BAIAP2: variants seen among roughly 807,000 people sequenced by gnomAD.
The protein encoded by BAIAP2 is BAR/IMD domain-containing adapter protein 2.
In BAIAP2, 18 loss-of-function variants were observed where a neutral mutation model predicts 63.0. That is an observed-to-expected ratio of 0.29 (90% CI 0.20 to 0.42). The LOEUF (loss-of-function observed/expected upper bound fraction) is 0.42. BAIAP2 is among the 10% of genes least tolerant of loss of function. The pLI is 1.00. For missense variants in BAIAP2, 610 were observed against 734.3 expected, an observed-to-expected ratio of 0.83 and a Z score of 1.96; for synonymous variants, 386 against 307.6, an observed-to-expected ratio of 1.25 and a Z score of -2.67.
At chr17:81,086,752 G>A (rs1265136409) in intron 6 of BAIAP2, among the ~76,000 whole-genome samples, 172 bp downstream of exon 6, 2 of 152,238 alleles carry the variant, frequency 1.3e-5, no homozygotes, top group East Asian at 1.9e-4. Flanking sequence ...CCCCCAGGCC[G>A]GTGGGATGGT....
At chr17:81,113,578 A>T (rs542242994) in intron 13 of BAIAP2, among the ~76,000 whole-genome samples, 2 of 152,286 alleles carry the variant, frequency 1.3e-5, no homozygotes, top group East Asian at 3.9e-4. Context: ...CTGCTGTCCC[A>T]GCCAGCCTTG....
intron 7 of BAIAP2, 149 bp downstream of exon 7, chr17:81,100,229 G>C: frequency 6.6e-6 from 8 of 1,214,404 alleles, no homozygotes; most frequent in Non-Finnish European, 8.8e-6. Flanking sequence ...TGGGGGTGAA[G>C]TTCTGGGAGA....
At chr17:81,091,241 C>T (rs983831083) in intron 6 of BAIAP2, among the ~76,000 whole-genome samples, 3 of 145,584 alleles carry the variant, frequency 2.1e-5, no homozygotes, top group Non-Finnish European at 3.0e-5. Context: ...TAACTCCTGG[C>T]TTGCCTCGCG....
intron 6 of BAIAP2, among the ~76,000 whole-genome samples, chr17:81,097,180 C>T (rs1309282081): frequency 6.6e-6 from 1 of 152,194 alleles, no homozygotes; most frequent in African/African-American, 2.4e-5. Context: ...GGGTCAAGGC[C>T]TACTGGGGAT....
chr17:81,109,039 G>A (rs1420263021), intron 13 of BAIAP2: 11 of 1,530,316 alleles, frequency 7.2e-6, no homozygotes, highest in African/African-American at 2.8e-5. Context: ...AAGAGCTTCC[G>A]CGCCTTCCCC....
rs1351642072 is a variant in BAIAP2, at chr17:81,116,563, G to A, written c.*724G>A. 2.2e-5 allele frequency: 12 copies of A among 537,172 alleles called. No individual in the cohort carries two copies. The highest frequency in any genetic ancestry group is 9.5e-5 in the African/African-American group (5 of 52,558). The allele number at this position is 537,172 out of a possible 1,614,324, so 33.3% of individuals were successfully genotyped here. On this transcript the variant is annotated 3_prime_UTR_variant, in exon 14 of 14. Transcript: ENST00000428708. ...AAAGGCCAGCTGTCAGGTGCTATGC[G>A]GGGTCACCAGCAGAGTGCCCGCTGG...
chr17:81,114,234 A>G (rs754663510), intron 13 of BAIAP2, among the ~76,000 whole-genome samples: 5 of 148,036 alleles, frequency 3.4e-5, no homozygotes, highest in Non-Finnish European at 7.4e-5. Flanking sequence ...TTGGCCTCTC[A>G]GAGTGCTGGG....
chr17:81,073,310 C>A (rs1174188059), intron 3 of BAIAP2, among the ~76,000 whole-genome samples: 4 of 152,172 alleles, frequency 2.6e-5, no homozygotes, highest in Non-Finnish European at 5.9e-5. Flanking sequence ...CTTTCAGATA[C>A]TCGGACCTCT....
chr17:81,091,826 C>T (rs2056823315), intron 6 of BAIAP2, among the ~76,000 whole-genome samples: 1 of 152,234 alleles, frequency 6.6e-6, no homozygotes, highest in South Asian at 2.1e-4. Flanking sequence ...AGAGGCCTTT[C>T]CCTTGGAGAC....
At chr17:81,092,063 G>A (rs1035137904) in intron 6 of BAIAP2, among the ~76,000 whole-genome samples, 2 of 152,242 alleles carry the variant, frequency 1.3e-5, no homozygotes, top group Non-Finnish European at 2.9e-5. Flanking sequence ...CTTTGGGGGT[G>A]TAGCATGCTG....
Position 81,109,008 on chromosome 17 carries a change from C to T in BAIAP2, c.1535+499C>T, listed in dbSNP as rs749890590. 1.5e-5 allele frequency: 23 copies of T among 1,545,422 alleles called. No homozygotes were observed. In the East Asian group the frequency reaches 5.2e-4, roughly 35 times the overall value. ...GGTGTCCACAGTGTGAGGACGCTGA[C>T]CCCGGGCAGCCGCTGCTCTGAAGAG... is the stretch of plus-strand genomic sequence containing the variant. On this transcript the variant is annotated intron_variant, in intron 13 of 13. Coordinates refer to ENST00000428708, the MANE Select transcript of BAIAP2 (RefSeq NM_001144888.2).
chr17:81,073,288 C>A (rs1334773187), intron 3 of BAIAP2, among the ~76,000 whole-genome samples: 4 of 152,098 alleles, frequency 2.6e-5, no homozygotes, highest in Admixed American at 1.3e-4. Context: ...GAACTTTTAC[C>A]ACCTGGGGTG....
chr17:81,071,766 C>G lies in BAIAP2; in HGVS notation c.218-13066C>G, dbSNP rs59330431. 6.7e-3 allele frequency among the ~76,000 whole-genome samples: 1,017 copies of G among 152,360 alleles called. 10 individuals are homozygous for G. The highest frequency in any genetic ancestry group is 0.023 in the African/African-American group (969 of 41,590). Reference sequence around the variant, plus strand: ...TTCTCCGCACCATCCCGCACCGCCACGAGCTGCTGTGGCTCACATTCTGCC... The same window carrying G: ...TTCTCCGCACCATCCCGCACCGCCAGGAGCTGCTGTGGCTCACATTCTGCC... On this transcript the variant is annotated intron_variant, in intron 3 of 13. Transcript: ENST00000428708.
chr17:81,041,723 C>T lies in BAIAP2; in HGVS notation c.54+6415C>T, dbSNP rs374217915. On this transcript the variant is annotated intron_variant, in intron 1 of 13. Transcript: ENST00000428708. ...CCAAGTAGCTGGGATTACAGGCATG[C>T]GCCACCACGCCTGGCTAATTTTATA... Among the ~76,000 whole-genome samples the T allele has an allele frequency of 1.3e-3, 192 of 152,028 alleles. 1 individual carries two copies. The highest frequency in any genetic ancestry group is 4.4e-3 in the African/African-American group (182 of 41,468).
At chr17:81,090,429 C>T (rs965990957) in intron 6 of BAIAP2, among the ~76,000 whole-genome samples, 15 of 152,226 alleles carry the variant, frequency 9.9e-5, no homozygotes, top group Non-Finnish European at 5.9e-5. Flanking sequence ...CTTAACCACA[C>T]AGGTGTTTTA....
In BAIAP2 at chr17:81,115,791, G is replaced by T; in HGVS notation, c.1557G>T (p.Gln519His). The T allele has an allele frequency of 1.2e-6, 2 of 1,613,464 alleles. No individual in the cohort carries two copies. Among genetic ancestry groups the T allele is most frequent in the Non-Finnish European group, 1.7e-6 (2 of 1,180,018 alleles). The change falls in exon 14 of 14, where the codon CAG (glutamine) becomes CAT (histidine). Residue 519 changes from glutamine to histidine, a missense_variant. Around this residue, in one of 5 missense-constraint regions of BAIAP2, gnomAD observed 114 missense variants for 98.2 expected, o/e 1.16. Transcript: ENST00000428708. ...SMSRNPFAHV[Q>H]LKPTVTNDRS... ...TCAGGAATCCCTTTGCCCACGTCCA[G>T]CTGAAGCCGACAGTGACCAACGACA...
chr17:81,114,391 A>G (rs570562326), intron 13 of BAIAP2, among the ~76,000 whole-genome samples: 2 of 152,204 alleles, frequency 1.3e-5, no homozygotes, highest in African/African-American at 4.8e-5. Context: ...GGGCATGGGC[A>G]GACATCAGTG....
chr17:81,102,669 CA>C (rs2058656114), intron 7 of BAIAP2, among the ~76,000 whole-genome samples: 1 of 152,178 alleles, frequency 6.6e-6, no homozygotes, highest in Admixed American at 6.5e-5. Context: ...GGCTGTCGTC[CA>C]ACATCCTCCG....
At chr17:81,041,116 C>T (rs1346622841) in intron 1 of BAIAP2, among the ~76,000 whole-genome samples, 3 of 152,248 alleles carry the variant, frequency 2.0e-5, no homozygotes, top group Non-Finnish European at 2.9e-5. Context: ...AGAGCCTTGT[C>T]TGCTGGCTCT....
Sources: gnomAD v4.1 joint callset for allele counts (sites outside exome capture counted in the v4.1 genomes callset) on GRCh38, gnomAD v4.1.1 for gene constraint, gnomAD v4.1.1 regional missense constraint, MANE v1.5 for transcripts, NCBI Gene and HGNC (gene_info 2026-07-23, HGNC 2026-07-21) for gene names.